The following RBM20 variants were observed in gnomAD, a reference collection of about 807,000 sequenced individuals.
RBM20 encodes the protein RNA-binding protein 20.
Under a neutral mutation model 110.1 loss-of-function variants are expected in RBM20, and 51 were observed. That is an observed-to-expected ratio of 0.46 (90% CI 0.37 to 0.59). The LOEUF is 0.59. RBM20 is among the 20% of genes least tolerant of loss of function. The pLI is 0.00. For missense variants in RBM20, 1,512 were observed against 1,574.9 expected (o/e 0.96, Z 0.68); for synonymous variants, 589 against 618.2 (o/e 0.95, Z 0.70).
At chr10:110,804,682 A>T (rs1283762796) in intron 7 of RBM20, among the ~76,000 whole-genome samples, 1 of 152,230 alleles carries the variant, frequency 6.6e-6, no homozygotes, top group Non-Finnish European at 1.5e-5. Flanking sequence ...GAACAACAAA[A>T]AGTGAGTAGC....
intron 1 of RBM20, among the ~76,000 whole-genome samples, chr10:110,728,566 C>T (rs1590640318): frequency 6.6e-6 from 1 of 152,108 alleles, no homozygotes; most frequent in Non-Finnish European, 1.5e-5. Flanking sequence ...TCTCCTTTCT[C>T]TGTAATTATG....
chr10:110,664,018 A>C (rs545766232), intron 1 of RBM20, among the ~76,000 whole-genome samples: 30 of 152,352 alleles, frequency 2.0e-4, no homozygotes, highest in African/African-American at 7.2e-4. Context: ...AAATCCTGTA[A>C]TTCTAAATTT....
intron 5 of RBM20, among the ~76,000 whole-genome samples, chr10:110,796,607 G>A (rs1051706478): frequency 1.3e-5 from 2 of 152,190 alleles, no homozygotes; most frequent in Non-Finnish European, 2.9e-5. Flanking sequence ...AAAATCAGCT[G>A]GGTGTGATGG....
chr10:110,673,609 G>C (rs1038442697), intron 1 of RBM20, among the ~76,000 whole-genome samples: 3 of 152,196 alleles, frequency 2.0e-5, no homozygotes, highest in African/African-American at 7.2e-5. Context: ...GGAATTATGA[G>C]AATACTCTTA....
chr10:110,791,375 A>G (rs1844481101), intron 5 of RBM20, among the ~76,000 whole-genome samples: 2 of 152,194 alleles, frequency 1.3e-5, no homozygotes, highest in African/African-American at 2.4e-5. Context: ...TGGAATCTAC[A>G]CTTTGCAGCT....
intron 1 of RBM20, among the ~76,000 whole-genome samples, chr10:110,742,634 TGA>T (rs1289293875): frequency 1.8e-4 from 28 of 152,310 alleles, no homozygotes; most frequent in African/African-American, 6.5e-4. Flanking sequence ...TCTCATAACA[TGA>T]TTTCTTTCTT....
At chr10:110,764,611 G>GCTCC (rs1264352578) in intron 1 of RBM20, among the ~76,000 whole-genome samples, 11 of 152,166 alleles carry the variant, frequency 7.2e-5, no homozygotes, top group Admixed American at 6.5e-4. Flanking sequence ...TTTCTCTTTC[G>GCTCC]CTCCCTCCCT....
chr10:110,701,372 G>T (rs181038563), intron 1 of RBM20, among the ~76,000 whole-genome samples: 1 of 152,062 alleles, frequency 6.6e-6, no homozygotes, highest in Non-Finnish European at 1.5e-5. Flanking sequence ...CATAAAGTCC[G>T]GTCCTACTCC....
At chr10:110,806,419 G>A (rs1034998942) in intron 7 of RBM20, among the ~76,000 whole-genome samples, 6 of 152,210 alleles carry the variant, frequency 3.9e-5, no homozygotes, top group African/African-American at 7.2e-5. Context: ...AAGCAGACAT[G>A]TCTTTCATGG....
intron 1 of RBM20, among the ~76,000 whole-genome samples, chr10:110,771,652 T>C (rs536183870): frequency 6.6e-6 from 1 of 152,190 alleles, no homozygotes; most frequent in African/African-American, 2.4e-5. Flanking sequence ...GAAAGGGACA[T>C]CAGTGCACAC....
chr10:110,705,073 T>C (rs1186021198), intron 1 of RBM20, among the ~76,000 whole-genome samples: 4 of 152,218 alleles, frequency 2.6e-5, no homozygotes, highest in Non-Finnish European at 5.9e-5. Flanking sequence ...TGACTCACCA[T>C]TGTGAACAAA....
intron 1 of RBM20, among the ~76,000 whole-genome samples, chr10:110,655,514 G>A (rs1463557646): frequency 6.6e-6 from 1 of 152,166 alleles, no homozygotes; most frequent in East Asian, 1.9e-4. Context: ...TGCAAAGTGT[G>A]TCTGCCAACT....
At chr10:110,834,212 G>T (rs979344860) in intron 13 of RBM20, among the ~76,000 whole-genome samples, 1 of 152,170 alleles carries the variant, frequency 6.6e-6, no homozygotes, top group East Asian at 1.9e-4. Flanking sequence ...GCGCTCATTC[G>T]CTTGCCTTCC....
At chr10:110,669,464 C>T (rs781386048) in intron 1 of RBM20, among the ~76,000 whole-genome samples, 2 of 152,150 alleles carry the variant, frequency 1.3e-5, no homozygotes, top group African/African-American at 2.4e-5. Context: ...TTTTTTGCCT[C>T]CCATTCAAAA....
At chr10:110,730,757 C>A (rs1843612252) in intron 1 of RBM20, among the ~76,000 whole-genome samples, 1 of 152,216 alleles carries the variant, frequency 6.6e-6, no homozygotes, top group African/African-American at 2.4e-5. Flanking sequence ...AGACCTCATG[C>A]CCAGCCCCTC....
In RBM20 at chr10:110,764,384, G is replaced by T. The variant is rs1436310496; in HGVS notation, c.192-16417G>T. Among the ~76,000 whole-genome samples the T allele has an allele frequency of 3.9e-5, 6 of 152,228 alleles. No homozygotes were observed. In the East Asian group the frequency reaches 1.2e-3, roughly 29 times the overall value. ...GAATTTTATTAAAAATGGTCAGCGC[G>T]ATCAGACCTAGATCCCTTCTTCTGA... is the stretch of plus-strand genomic sequence containing the variant. On this transcript the variant is annotated intron_variant, in intron 1 of 13. Coordinates refer to ENST00000369519, the MANE Select transcript of RBM20 (RefSeq NM_001134363.3).
chr10:110,756,903 C>A (rs1022048850), intron 1 of RBM20, among the ~76,000 whole-genome samples: 1 of 152,206 alleles, frequency 6.6e-6, no homozygotes. Context: ...TGTTCCTACA[C>A]AAGTGAGGTT....
chr10:110,786,436 G>A (rs374098416), intron 5 of RBM20, among the ~76,000 whole-genome samples: 3 of 152,242 alleles, frequency 2.0e-5, no homozygotes, highest in African/African-American at 7.2e-5. Context: ...GAAAAGCGAG[G>A]TGGTTCATGA....
chr10:110,652,473 C>A (rs926400478), intron 1 of RBM20, among the ~76,000 whole-genome samples: 1 of 152,000 alleles, frequency 6.6e-6, no homozygotes. Context: ...TTATCTATTT[C>A]TTTTCCTAAC....
Sources: allele counts gnomAD v4.1 joint callset (sites outside exome capture counted in the v4.1 genomes callset), GRCh38; gene constraint gnomAD v4.1.1; transcripts MANE v1.5; gene names NCBI Gene and HGNC (gene_info 2026-07-23, HGNC 2026-07-21).